DNAH9: variants seen among roughly 807,000 people sequenced by gnomAD.
The protein encoded by DNAH9 is dynein axonemal heavy chain 9, also known as DNAH9 variant protein.
Under a neutral mutation model 471.6 loss-of-function variants are expected in DNAH9, and 345 were observed. The observed-to-expected ratio is 0.73, with a 90% confidence interval of 0.67 to 0.80. The LOEUF is 0.80. DNAH9 is among the 30% of genes least tolerant of loss of function. The pLI is 0.00. For missense variants in DNAH9, 5,407 were observed against 5,609.2 expected, an observed-to-expected ratio of 0.96 and a Z score of 1.15; for synonymous variants, 2,093 against 2,123.6, an observed-to-expected ratio of 0.99 and a Z score of 0.40.
intron 6 of DNAH9, among the ~76,000 whole-genome samples, chr17:11,628,145 A>G (rs1187288114): frequency 6.6e-6 from 1 of 152,242 alleles, no homozygotes; most frequent in Non-Finnish European, 1.5e-5. Flanking sequence ...AGGAATGTGC[A>G]CACAAATTGG....
At chr17:11,792,171 G>T (rs1969088373) in intron 41 of DNAH9, among the ~76,000 whole-genome samples, 1 of 152,182 alleles carries the variant, frequency 6.6e-6, no homozygotes, top group Admixed American at 6.5e-5. Flanking sequence ...CTACTCAGGA[G>T]GCTGAGGCAG....
intron 61 of DNAH9, among the ~76,000 whole-genome samples, chr17:11,922,031 C>T (rs892334193): frequency 1.3e-5 from 2 of 152,162 alleles, no homozygotes; most frequent in Admixed American, 6.5e-5. Context: ...AATTGTTTAT[C>T]TCCCCACTTC....
chr17:11,798,935 A>G (rs1041916055), intron 43 of DNAH9, among the ~76,000 whole-genome samples: 7 of 152,108 alleles, frequency 4.6e-5, no homozygotes, highest in African/African-American at 1.7e-4. Flanking sequence ...TCTTTTGAAC[A>G]CAAGTCACCT....
At chr17:11,784,258 G>C (rs76548732) in intron 40 of DNAH9, 42 bp from the exon 41 acceptor site, 21 of 1,607,916 alleles carry the variant, frequency 1.3e-5, no homozygotes, top group Non-Finnish European at 1.4e-5. Flanking sequence ...TTTCTACTCC[G>C]TGGTAACGGA....
intron 6 of DNAH9, among the ~76,000 whole-genome samples, chr17:11,621,450 G>A (rs1432720155): frequency 6.6e-6 from 1 of 151,628 alleles, no homozygotes; most frequent in African/African-American, 2.4e-5. Flanking sequence ...GAGGGACAGG[G>A]AAGGAACAAG....
chr17:11,704,466 G>A, intron 25 of DNAH9, 24 bp downstream of exon 25: 1 of 1,608,476 alleles, frequency 6.2e-7, no homozygotes, highest in Non-Finnish European at 8.5e-7. Flanking sequence ...ATCCAGGGAT[G>A]CCCACTTTTG....
chr17:11,620,417 G>A (rs546755064), intron 6 of DNAH9, among the ~76,000 whole-genome samples: 14 of 150,642 alleles, frequency 9.3e-5, no homozygotes, highest in Non-Finnish European at 1.8e-4. Flanking sequence ...GGAGGCCGAG[G>A]CAGAGAATTT....
chr17:11,815,910 A>C (rs1363369471), intron 45 of DNAH9, among the ~76,000 whole-genome samples: 1 of 152,132 alleles, frequency 6.6e-6, no homozygotes, highest in East Asian at 1.9e-4. Context: ...TGCTAGTCTC[A>C]CTTCCCATCT....
At chr17:11,632,469 A>G in intron 7 of DNAH9, 118 bp from the exon 8 acceptor site, 1 of 626,802 alleles carries the variant, frequency 1.6e-6, no homozygotes, top group Non-Finnish European at 2.9e-6. Flanking sequence ...GAATTTCAGA[A>G]AATTAAAATA....
At chr17:11,667,045 G>A (rs964015418) in intron 15 of DNAH9, among the ~76,000 whole-genome samples, 5 of 152,098 alleles carry the variant, frequency 3.3e-5, no homozygotes, top group African/African-American at 1.2e-4. Context: ...GTGGAACCAG[G>A]ACAATCTGCT....
chr17:11,788,164 C>T (rs146533253), intron 41 of DNAH9, among the ~76,000 whole-genome samples: 104 of 152,288 alleles, frequency 6.8e-4, no homozygotes, highest in African/African-American at 2.4e-3. Flanking sequence ...CAACTGATAG[C>T]TTGCCTCACT....
At chr17:11,931,681 A>ACCCACAC (rs1974513048) in intron 63 of DNAH9, among the ~76,000 whole-genome samples, 1 of 152,246 alleles carries the variant, frequency 6.6e-6, no homozygotes, top group African/African-American at 2.4e-5. Flanking sequence ...TGGCATGTGC[A>ACCCACAC]CCCACACCCC....
At position 11,756,792 on chromosome 17, in the gene DNAH9, C is replaced by A. The variant is rs192559102; in HGVS notation, c.6847+116C>A. ...CTCCACATGGGAGCCAGAAGCCTCA[C>A]GTGCAGTTTTGTGAATTTGGAAATG... is the stretch of plus-strand genomic sequence containing the variant. On this transcript the variant is annotated intron_variant, in intron 34 of 68. Coordinates refer to ENST00000262442, the MANE Select transcript of DNAH9 (RefSeq NM_001372.4). 344 of 694,624 alleles carry A rather than the reference C, an allele frequency of 5.0e-4. 1 individual carries two copies. The Admixed American group carries it at 8.0e-3, about 16-fold the overall frequency. The allele number at this position is 694,624 out of a possible 1,614,324, so 43.0% of individuals were successfully genotyped here. A position where few individuals can be genotyped will look rare whatever the true frequency, so the allele number is the denominator to read the frequency against.
intron 22 of DNAH9, among the ~76,000 whole-genome samples, chr17:11,699,110 A>G (rs762355059): frequency 3.9e-5 from 6 of 152,098 alleles, no homozygotes; most frequent in East Asian, 1.9e-4. Context: ...TTAGCTGGGC[A>G]TGGTGGCACA....
intron 54 of DNAH9, 23 bp from the exon 55 acceptor site, chr17:11,881,186 T>C: frequency 6.2e-7 from 1 of 1,613,660 alleles, no homozygotes; most frequent in Non-Finnish European, 8.5e-7. Flanking sequence ...CACCTTACCT[T>C]CACATGAGCC....
intron 19 of DNAH9, among the ~76,000 whole-genome samples, chr17:11,684,560 C>T (rs557177798): frequency 5.3e-5 from 8 of 152,266 alleles, no homozygotes; most frequent in Admixed American, 4.6e-4. Flanking sequence ...TGAGCACAGT[C>T]CTCTTGACCT....
chr17:11,861,198 C>T (rs1971834799), intron 50 of DNAH9, among the ~76,000 whole-genome samples: 1 of 152,066 alleles, frequency 6.6e-6, no homozygotes, highest in East Asian at 1.9e-4. Flanking sequence ...CACAACAGTC[C>T]CCAGAGTGTG....
intron 68 of DNAH9, among the ~76,000 whole-genome samples, chr17:11,964,544 C>A (rs116818105): frequency 0.011 from 1,638 of 152,270 alleles, 33 homozygotes; most frequent in African/African-American, 0.038. Context: ...TCAGGACCTC[C>A]TAAAATCCTC....
chr17:11,936,829 G>T (rs542256221), intron 65 of DNAH9, among the ~76,000 whole-genome samples: 1 of 152,040 alleles, frequency 6.6e-6, no homozygotes, highest in Non-Finnish European at 1.5e-5. Flanking sequence ...TCTCCAGTTC[G>T]CAGCCAATCT....
Sources: allele counts gnomAD v4.1 joint callset (sites outside exome capture counted in the v4.1 genomes callset), GRCh38; gene constraint gnomAD v4.1.1; transcripts MANE v1.5; gene names NCBI Gene and HGNC (gene_info 2026-07-23, HGNC 2026-07-21).